Variants in PSPC1 observed in about 807,000 individuals in gnomAD.
The protein encoded by PSPC1 is paraspeckle protein 1.
PSPC1 carries 14 observed loss-of-function variants against 51.6 expected under a neutral mutation model. The ratio of observed to expected loss-of-function variants is 0.27; its 90% CI spans 0.18 to 0.42. The LOEUF is 0.42. Ranked by LOEUF, PSPC1 falls within the 10% of genes least tolerant of loss-of-function variation. The probability of loss-of-function intolerance (pLI) is 1.00; values close to 1 mark genes in which losing one functional copy is unlikely to be tolerated. For synonymous variants in PSPC1, 193 were observed against 231.9 expected, an observed-to-expected ratio of 0.83 and a Z score of 1.53; for missense variants, 406 against 701.1, an observed-to-expected ratio of 0.58 and a Z score of 4.75.
chr13:19,730,966 A>AC (rs1491420255), intron 5 of PSPC1, among the ~76,000 whole-genome samples: 2 of 25,500 alleles, frequency 7.8e-5, no homozygotes, highest in Non-Finnish European at 1.4e-4. Flanking sequence ...ACAAAAAAAC[A>AC]AAAAAAAAAA....
At chr13:19,684,587 T>A (rs892898262) in intron 6 of PSPC1, among the ~76,000 whole-genome samples, 3 of 152,244 alleles carry the variant, frequency 2.0e-5, no homozygotes, top group African/African-American at 7.2e-5. Context: ...AGATAACATG[T>A]AAATCAAATT....
chr13:19,688,036 T>C (rs1482455358), intron 6 of PSPC1, among the ~76,000 whole-genome samples: 1 of 152,148 alleles, frequency 6.6e-6, no homozygotes, highest in Non-Finnish European at 1.5e-5. Flanking sequence ...CATTTGAAGT[T>C]GATACCTAGG....
intron 6 of PSPC1, among the ~76,000 whole-genome samples, chr13:19,686,450 T>C (rs568563672): frequency 1.3e-5 from 2 of 152,052 alleles, no homozygotes; most frequent in Admixed American, 1.3e-4. Flanking sequence ...GAGGAAGTGA[T>C]CACAAAAAAA....
At chr13:19,718,862 A>G (rs1434381292) in intron 6 of PSPC1, among the ~76,000 whole-genome samples, 1 of 152,290 alleles carries the variant, frequency 6.6e-6, no homozygotes. Flanking sequence ...GGTGACTAGA[A>G]GCCAATCTGA....
At chr13:19,762,138 G>C (rs919244140) in intron 2 of PSPC1, among the ~76,000 whole-genome samples, 2 of 152,188 alleles carry the variant, frequency 1.3e-5, no homozygotes, top group Admixed American at 1.3e-4. Context: ...GTGCGGGAGA[G>C]GAGAAGTACA....
intron 6 of PSPC1, among the ~76,000 whole-genome samples, chr13:19,717,262 C>A (rs1298716442): frequency 2.6e-5 from 4 of 151,764 alleles, no homozygotes; most frequent in African/African-American, 4.8e-5. Flanking sequence ...GCAAATGAAT[C>A]TTTTCTAATA....
intron 6 of PSPC1, among the ~76,000 whole-genome samples, chr13:19,681,425 A>G (rs1877256405): frequency 6.6e-6 from 1 of 151,962 alleles, no homozygotes; most frequent in Admixed American, 6.6e-5. Flanking sequence ...AATAGAAGTA[A>G]GTCCTAAGGA....
chr13:19,762,475 G>A (rs890274959), intron 2 of PSPC1, among the ~76,000 whole-genome samples: 3 of 151,958 alleles, frequency 2.0e-5, no homozygotes, highest in Non-Finnish European at 4.4e-5. Context: ...CAGTAGAATC[G>A]CTGGAACCTG....
intron 3 of PSPC1, among the ~76,000 whole-genome samples, chr13:19,758,949 G>C (rs1887354649): frequency 6.6e-6 from 1 of 151,448 alleles, no homozygotes; most frequent in Non-Finnish European, 1.5e-5. Flanking sequence ...TATAAAAGTA[G>C]ACATTTCTAA....
At chr13:19,691,574 C>G (rs949736194) in intron 6 of PSPC1, among the ~76,000 whole-genome samples, 1 of 152,058 alleles carries the variant, frequency 6.6e-6, no homozygotes, top group African/African-American at 2.4e-5. Flanking sequence ...ATAAAATTGA[C>G]ATGAATGAAA....
At chr13:19,776,793 C>G (rs531960554) in intron 1 of PSPC1, among the ~76,000 whole-genome samples, 1 of 151,314 alleles carries the variant, frequency 6.6e-6, no homozygotes, top group East Asian at 2.0e-4. Context: ...AGGCGTGAGC[C>G]ACCGCGCCCG....
downstream of PSPC1, among the ~76,000 whole-genome samples, chr13:19,674,082 GCATGGCTGTGGCCAGACTCGCAT>G (rs1306027532): frequency 6.6e-6 from 1 of 152,226 alleles, no homozygotes; most frequent in Non-Finnish European, 1.5e-5. Flanking sequence ...CAGATGGGAT[GCATGGCTGTGGCCAGACTCGCAT>G]CATGGCCTCT....
At chr13:19,685,735 A>T (rs1010949727) in intron 6 of PSPC1, among the ~76,000 whole-genome samples, 5 of 152,206 alleles carry the variant, frequency 3.3e-5, no homozygotes, top group African/African-American at 9.6e-5. Flanking sequence ...AATTTTGACC[A>T]TTCTAGTTTC....
chr13:19,758,141 C>T (rs1008891960), intron 3 of PSPC1, among the ~76,000 whole-genome samples: 1 of 151,906 alleles, frequency 6.6e-6, no homozygotes, highest in Non-Finnish European at 1.5e-5. Context: ...GGTGAAACCC[C>T]GTCTCTACTA....
At chr13:19,768,966 C>G (rs1278728992) in intron 2 of PSPC1, among the ~76,000 whole-genome samples, 1 of 145,144 alleles carries the variant, frequency 6.9e-6, no homozygotes, top group Non-Finnish European at 1.5e-5. Flanking sequence ...GAAACCCCAT[C>G]TCTACTGCAA....
At chr13:19,684,277 A>G (rs1049381985) in intron 6 of PSPC1, among the ~76,000 whole-genome samples, 4 of 152,242 alleles carry the variant, frequency 2.6e-5, no homozygotes, top group African/African-American at 4.8e-5. Context: ...ATCACTGCAT[A>G]ATCAAGGTAA....
chr13:19,688,991 A>G (rs1022242870), intron 6 of PSPC1, among the ~76,000 whole-genome samples: 3 of 151,580 alleles, frequency 2.0e-5, no homozygotes, highest in Admixed American at 1.3e-4. Flanking sequence ...AACTCATTGT[A>G]GTATTCCTAC....
chr13:19,749,989 A>G (rs1886372708), intron 4 of PSPC1, among the ~76,000 whole-genome samples: 2 of 152,210 alleles, frequency 1.3e-5, no homozygotes, highest in South Asian at 4.1e-4. Context: ...CTTCATCATA[A>G]GTGCTCAATA....
At chr13:19,709,434 T>C in intron 7 of PSPC1, 108 bp downstream of exon 7, 1 of 791,590 alleles carries the variant, frequency 1.3e-6, no homozygotes, top group Non-Finnish European at 2.0e-6. Flanking sequence ...CCTTTAGAAA[T>C]GTTGGTTCTG....
Sources: allele counts gnomAD v4.1 joint callset (sites outside exome capture counted in the v4.1 genomes callset), GRCh38; gene constraint gnomAD v4.1.1; transcripts MANE v1.5; gene names NCBI Gene and HGNC (gene_info 2026-07-23, HGNC 2026-07-21).